The following ABL2 variants were observed in gnomAD, a reference collection of about 807,000 sequenced individuals.
The protein encoded by ABL2 is ABL proto-oncogene 2, non-receptor tyrosine kinase.
Under a neutral mutation model 107.7 loss-of-function variants are expected in ABL2, and 49 were observed. The observed-to-expected ratio is 0.45, with a 90% CI of 0.36 to 0.58. The LOEUF (loss-of-function observed/expected upper bound fraction) is 0.58. Ranked by LOEUF, ABL2 falls within the 20% of genes least tolerant of loss-of-function variation. The probability of loss-of-function intolerance (pLI) is 0.00; values close to 1 mark genes in which losing one functional copy is unlikely to be tolerated. For missense variants in ABL2, 1,245 were observed against 1,457.0 expected (o/e 0.85, Z 2.37); for synonymous variants, 549 against 548.6 (o/e 1.00, Z -0.01).
chr1:179,105,623 G>A lies in ABL2; in HGVS notation c.*2095C>T, dbSNP rs1274939383. 2.2e-5 allele frequency: 5 copies of A among 228,006 alleles called. No homozygotes were observed. Among genetic ancestry groups the A allele is most frequent in the Non-Finnish European group, 4.4e-5 (5 of 114,884 alleles). 14.1% of individuals were successfully genotyped at this position (228,006 alleles called of 1,614,324 possible). A position where few individuals can be genotyped will look rare whatever the true frequency, so the allele number is the denominator to read the frequency against. On this transcript the variant is annotated 3_prime_UTR_variant, in exon 12 of 12. Transcript: ENST00000502732. ...GCTGCAACTGCAGGTGACATACTGC[G>A]GGGATCACCCAACACCTGCCAGGAA...
intron 3 of ABL2, among the ~76,000 whole-genome samples, chr1:179,128,292 C>T (rs570313465): frequency 1.3e-5 from 2 of 151,152 alleles, no homozygotes; most frequent in South Asian, 2.1e-4. Flanking sequence ...TCTGGTGTAG[C>T]GGTGGATATG....
chr1:179,229,291 TC>T lies in ABL2; in HGVS notation c.106del (p.Asp36ThrfsTer54). 1 of 1,572,872 alleles carries T rather than the reference TC, an allele frequency of 6.4e-7. No homozygotes were observed. The highest frequency in any genetic ancestry group is 2.1e-4 in the Middle Eastern group (1 of 4,742). Reference sequence around the variant, plus strand: ...GGTCTCTGTGGTGCGCCCCGCCGGGTCCCGCCTGCGGCCGGAGGGCCTGGCT... The same window carrying T: ...GGTCTCTGTGGTGCGCCCCGCCGGGTCCGCCTGCGGCCGGAGGGCCTGGCT... ...SAARPSGRRR[D>X]PAGRTTETGF... On this transcript the variant is annotated frameshift_variant, in exon 1 of 12. Coordinates refer to ENST00000502732, the MANE Select transcript of ABL2 (RefSeq NM_007314.4). LOFTEE classifies it high-confidence loss of function.
chr1:179,222,613 TCTC>T (rs1328901287), intron 1 of ABL2, among the ~76,000 whole-genome samples: 4 of 151,820 alleles, frequency 2.6e-5, no homozygotes, highest in African/African-American at 9.7e-5. Context: ...ATGGTCTCGA[TCTC>T]CTGATCTCGT....
chr1:179,165,277 G>A (rs1659311736), intron 1 of ABL2, among the ~76,000 whole-genome samples: 1 of 152,188 alleles, frequency 6.6e-6, no homozygotes, highest in African/African-American at 2.4e-5. Flanking sequence ...CTGGAAGGAT[G>A]AGATCTGTGT....
At chr1:179,190,789 G>GT (rs918652172) in intron 1 of ABL2, among the ~76,000 whole-genome samples, 4 of 151,768 alleles carry the variant, frequency 2.6e-5, no homozygotes, top group African/African-American at 9.7e-5. Flanking sequence ...ATTTTAGGAG[G>GT]TTTTTTTTGG....
chr1:179,174,267 G>A (rs868005299), intron 1 of ABL2, among the ~76,000 whole-genome samples: 8 of 150,820 alleles, frequency 5.3e-5, no homozygotes, highest in Non-Finnish European at 1.2e-4. Flanking sequence ...CAGCCTGGGC[G>A]AAAGAGCAAG....
chr1:179,160,530 C>T (rs1020207590), intron 1 of ABL2, among the ~76,000 whole-genome samples: 13 of 152,102 alleles, frequency 8.5e-5, no homozygotes, highest in Admixed American at 3.9e-4. Flanking sequence ...ATCTAATTCT[C>T]GTAATAATCC....
chr1:179,217,287 C>A (rs1428283604), intron 1 of ABL2, among the ~76,000 whole-genome samples: 1 of 151,632 alleles, frequency 6.6e-6, no homozygotes, highest in Non-Finnish European at 1.5e-5. Flanking sequence ...GCACTCCAGC[C>A]TGGGTGACAG....
intron 1 of ABL2, chr1:179,184,178 C>G: frequency 2.3e-6 from 1 of 438,784 alleles, no homozygotes; most frequent in Non-Finnish European, 4.2e-6. Flanking sequence ...AGGACAAAGA[C>G]GCACTGCATT....
chr1:179,104,914 C>T lies in ABL2; in HGVS notation c.*2804G>A, dbSNP rs1252134334. On this transcript the variant is annotated 3_prime_UTR_variant, in exon 12 of 12. Transcript: ENST00000502732. ...CAGTTCTCTCTGCTTTGGATTCAAA[C>T]CTTTTAATTTACATAAGGGTTTGTG... 9.0e-6 allele frequency: 2 copies of T among 221,172 alleles called. No homozygotes were observed. Among genetic ancestry groups the T allele is most frequent in the Admixed American group, 5.8e-5 (1 of 17,344 alleles). The allele number at this position is 221,172 out of a possible 1,614,324, so 13.7% of individuals were successfully genotyped here.
chr1:179,128,917 T>G (rs1451142163), intron 3 of ABL2, among the ~76,000 whole-genome samples: 1 of 152,022 alleles, frequency 6.6e-6, no homozygotes, highest in Non-Finnish European at 1.5e-5. Flanking sequence ...ACTCCTAGGC[T>G]CACGCAATCC....
Position 179,152,643 on chromosome 1 carries a change from A to G in ABL2, c.158-19269T>C, listed in dbSNP as rs543620665. Among the ~76,000 whole-genome samples, 4 of 152,372 alleles carry G rather than the reference A, an allele frequency of 2.6e-5. No homozygotes were observed. In the East Asian group the frequency reaches 7.7e-4, roughly 29 times the overall value. Reference sequence around the variant, plus strand: ...GACATGTTCTTGACATTCAGACAAAAGAATTCAGACTTATCACAGTAAGCA... The same window carrying G: ...GACATGTTCTTGACATTCAGACAAAGGAATTCAGACTTATCACAGTAAGCA... On this transcript the variant is annotated intron_variant, in intron 1 of 11. Transcript: ENST00000502732.
At chr1:179,213,065 G>C (rs1181768246) in intron 1 of ABL2, among the ~76,000 whole-genome samples, 1 of 134,542 alleles carries the variant, frequency 7.4e-6, no homozygotes, top group Non-Finnish European at 1.6e-5. Context: ...AAAAAAAAAA[G>C]AAATATAATG....
intron 1 of ABL2, among the ~76,000 whole-genome samples, chr1:179,166,510 G>A (rs1659393210): frequency 6.6e-6 from 1 of 152,066 alleles, no homozygotes; most frequent in East Asian, 1.9e-4. Flanking sequence ...AGGGCGCGGT[G>A]GCTCACGCCT....
At chr1:179,216,598 T>A (rs1662574011) in intron 1 of ABL2, among the ~76,000 whole-genome samples, 1 of 152,192 alleles carries the variant, frequency 6.6e-6, no homozygotes, top group Non-Finnish European at 1.5e-5. Flanking sequence ...TAGAAAATGC[T>A]CTGGAGTGTT....
At chr1:179,189,618 TA>T (rs1174267453) in intron 1 of ABL2, among the ~76,000 whole-genome samples, 2 of 152,114 alleles carry the variant, frequency 1.3e-5, no homozygotes, top group Admixed American at 1.3e-4. Flanking sequence ...TACCAAACGG[TA>T]AGAGGAGTCT....
Position 179,119,122 on chromosome 1 carries a change from A to C in ABL2, c.1046-358T>G, listed in dbSNP as rs552134927. On this transcript the variant is annotated intron_variant, in intron 6 of 11. Transcript: ENST00000502732. ...ACTGCAGGCTAACAATACTTATTCA[A>C]AAGTAATAGCAATTGTGCACAAGCT... Among the ~76,000 whole-genome samples, 3 of 152,166 alleles carry C rather than the reference A, an allele frequency of 2.0e-5. No individual in the cohort carries two copies. The South Asian group carries it at 6.2e-4, about 31-fold the overall frequency.
At chr1:179,179,843 G>A (rs1660265644) in intron 1 of ABL2, among the ~76,000 whole-genome samples, 2 of 151,850 alleles carry the variant, frequency 1.3e-5, no homozygotes, top group African/African-American at 2.4e-5. Flanking sequence ...GCTCATGCTT[G>A]TAATCCCAGG....
chr1:179,172,269 T>C (rs888202088), intron 1 of ABL2, among the ~76,000 whole-genome samples: 4 of 152,234 alleles, frequency 2.6e-5, no homozygotes, highest in Non-Finnish European at 5.9e-5. Context: ...CCTTTACTGA[T>C]CTCTTGCTGA....
Sources: allele counts gnomAD v4.1 joint callset (sites outside exome capture counted in the v4.1 genomes callset), GRCh38; gene constraint gnomAD v4.1.1; transcripts MANE v1.5; gene names NCBI Gene and HGNC (gene_info 2026-07-23, HGNC 2026-07-21).